The following KCNC2 variants were observed in gnomAD, a reference collection of about 807,000 sequenced individuals.
KCNC2 encodes the protein potassium voltage-gated channel subfamily C member 2, also known as voltage-gated potassium channel KCNC2.
Under a neutral mutation model 44.5 loss-of-function variants are expected in KCNC2, and 21 were observed. That is an observed-to-expected ratio of 0.47 (90% CI 0.33 to 0.68). The LOEUF (loss-of-function observed/expected upper bound fraction) is 0.68. Ranked by LOEUF, KCNC2 falls within the 30% of genes least tolerant of loss-of-function variation. The probability of loss-of-function intolerance (pLI) is 0.01; values close to 1 mark genes in which losing one functional copy is unlikely to be tolerated. For synonymous variants in KCNC2, 391 were observed against 339.1 expected, an observed-to-expected ratio of 1.15 and a Z score of -1.68; for missense variants, 589 against 826.2, an observed-to-expected ratio of 0.71 and a Z score of 3.52.
intron 2 of KCNC2, among the ~76,000 whole-genome samples, chr12:75,103,372 A>T (rs970602713): frequency 1.3e-5 from 2 of 152,198 alleles, no homozygotes; most frequent in Non-Finnish European, 2.9e-5. Context: ...TCAGCCATTC[A>T]TAATAGTTCA....
chr12:75,139,330 C>A (rs1347680819), intron 2 of KCNC2, among the ~76,000 whole-genome samples: 1 of 152,148 alleles, frequency 6.6e-6, no homozygotes, highest in Non-Finnish European at 1.5e-5. Flanking sequence ...AAAACATGAA[C>A]CAAAATTTTA....
chr12:75,043,461 A>T, intron 4 of KCNC2: 1 of 1,320,634 alleles, frequency 7.6e-7, no homozygotes, highest in Non-Finnish European at 9.7e-7. Flanking sequence ...TATTGTTACA[A>T]TACTTCAAAA....
chr12:75,117,701 A>G (rs1311547319), intron 2 of KCNC2, among the ~76,000 whole-genome samples: 1 of 152,090 alleles, frequency 6.6e-6, no homozygotes, highest in Non-Finnish European at 1.5e-5. Context: ...ATAATATATT[A>G]CACATATTTA....
At chr12:75,154,686 A>G (rs936414) in intron 2 of KCNC2, among the ~76,000 whole-genome samples, 60,061 of 151,902 alleles carry the variant, frequency 0.4, 13,993 homozygotes, top group African/African-American at 0.66. Context: ...GTCATGAAAT[A>G]TGTGAGCTGG....
intron 2 of KCNC2, among the ~76,000 whole-genome samples, chr12:75,116,399 G>A (rs1441006270): frequency 2.0e-5 from 3 of 152,088 alleles, no homozygotes; most frequent in Admixed American, 2.0e-4. Context: ...AGGGAAATAC[G>A]ATTAGACTCC....
chr12:75,171,953 T>C (rs562558556), intron 2 of KCNC2, among the ~76,000 whole-genome samples: 437 of 151,800 alleles, frequency 2.9e-3, no homozygotes, highest in African/African-American at 9.0e-3. Context: ...TTTGTTCTCT[T>C]CTATTAAGGA....
chr12:75,188,563 TA>T (rs1396788496), intron 2 of KCNC2, among the ~76,000 whole-genome samples: 1 of 151,884 alleles, frequency 6.6e-6, no homozygotes, highest in African/African-American at 2.4e-5. Context: ...AGTACATCCA[TA>T]AAAAAATAAC....
chr12:75,098,244 C>T (rs979015497), intron 2 of KCNC2, among the ~76,000 whole-genome samples: 2 of 152,096 alleles, frequency 1.3e-5, no homozygotes, highest in Non-Finnish European at 2.9e-5. Context: ...CTTTTCCTAA[C>T]AAGAAGCATG....
In KCNC2 at chr12:75,042,513, C is replaced by T. The variant is rs1592743999; in HGVS notation, c.*592G>A. On this transcript the variant is annotated 3_prime_UTR_variant, in exon 5 of 5. Transcript: ENST00000549446. Reference sequence around the variant, plus strand: ...AAAAAATGTCAAGGAGAAAAGTGCCCTCCCTGCCCCACAATTCAACATGCA... The same window carrying T: ...AAAAAATGTCAAGGAGAAAAGTGCCTTCCCTGCCCCACAATTCAACATGCA... The T allele has an allele frequency of 2.1e-6, 3 of 1,427,512 alleles. No homozygotes were observed. The highest frequency in any genetic ancestry group is 5.1e-5 in the East Asian group (2 of 38,854). The allele number at this position is 1,427,512 out of a possible 1,614,324, so 88.4% of individuals were successfully genotyped here.
At chr12:75,189,748 T>C (rs541778517) in intron 2 of KCNC2, among the ~76,000 whole-genome samples, 23 of 152,304 alleles carry the variant, frequency 1.5e-4, no homozygotes, top group African/African-American at 5.3e-4. Context: ...ATCAGGAATG[T>C]TGTCTATCTT....
rs186853106 is a variant in KCNC2, at chr12:75,200,552, C to G, written c.687+6745G>C. On this transcript the variant is annotated intron_variant, in intron 2 of 4. Transcript: ENST00000549446. ...CACATACAAATTTTACAAACATGTT[C>G]CCTGAGTATGTGTCTGTATTACAAC... Among the ~76,000 whole-genome samples the G allele has an allele frequency of 3.8e-3, 576 of 151,776 alleles. 5 individuals carry two copies. Among genetic ancestry groups the G allele is most frequent in the African/African-American group, 0.014 (564 of 41,468 alleles).
chr12:75,134,006 C>T (rs185873094), intron 2 of KCNC2, among the ~76,000 whole-genome samples: 1 of 152,042 alleles, frequency 6.6e-6, no homozygotes, highest in African/African-American at 2.4e-5. Context: ...GAGGCATTGA[C>T]TGATTAATTC....
At chr12:75,076,439 AT>A (rs1421492046) in intron 2 of KCNC2, among the ~76,000 whole-genome samples, 1 of 151,748 alleles carries the variant, frequency 6.6e-6, no homozygotes, top group African/African-American at 2.4e-5. Context: ...CGCCCGGCTA[AT>A]TTTTTTTATT....
intron 4 of KCNC2, among the ~76,000 whole-genome samples, chr12:75,045,597 G>A (rs1254336833): frequency 6.6e-6 from 1 of 151,794 alleles, no homozygotes; most frequent in Non-Finnish European, 1.5e-5. Context: ...AAACACTGTT[G>A]AACTTATTTT....
intron 2 of KCNC2, among the ~76,000 whole-genome samples, chr12:75,172,356 A>G (rs1891886661): frequency 6.6e-6 from 1 of 151,792 alleles, no homozygotes; most frequent in East Asian, 1.9e-4. Flanking sequence ...GAGCATCAGG[A>G]AGACTAACTA....
At chr12:75,187,248 A>T (rs1893016312) in intron 2 of KCNC2, among the ~76,000 whole-genome samples, 1 of 152,218 alleles carries the variant, frequency 6.6e-6, no homozygotes, top group Non-Finnish European at 1.5e-5. Context: ...CCCAAATGCA[A>T]TTTATTTTTT....
chr12:75,069,248 C>A (rs1883154015), intron 2 of KCNC2, among the ~76,000 whole-genome samples: 1 of 143,788 alleles, frequency 7.0e-6, no homozygotes, highest in Non-Finnish European at 1.5e-5. Context: ...GATTCTCCTG[C>A]CTCAGCTTCC....
intron 2 of KCNC2, among the ~76,000 whole-genome samples, chr12:75,178,944 T>C (rs1388792357): frequency 2.0e-5 from 3 of 151,978 alleles, no homozygotes; most frequent in African/African-American, 7.2e-5. Flanking sequence ...ACCCAGTAGA[T>C]GACTGTTCTA....
rs1879792352 is a variant in KCNC2, at chr12:75,040,518, T to C, written c.*2587A>G. 1 of 152,752 alleles carries C rather than the reference T, an allele frequency of 6.5e-6. No individual in the cohort carries two copies. The highest frequency in any genetic ancestry group is 2.4e-5 in the African/African-American group (1 of 41,444). The allele number at this position is 152,752 out of a possible 1,614,324, so 9.5% of individuals were successfully genotyped here. On this transcript the variant is annotated 3_prime_UTR_variant, in exon 5 of 5. Coordinates refer to ENST00000549446, the MANE Select transcript of KCNC2 (RefSeq NM_139137.4). ...ACTCTCATTGCCAGAATTATGTTTT[T>C]GTAATATTTATAATTGAGGTAATAA...
Sources: gnomAD v4.1 joint callset for allele counts (sites outside exome capture counted in the v4.1 genomes callset) on GRCh38, gnomAD v4.1.1 for gene constraint, MANE v1.5 for transcripts, NCBI Gene and HGNC (gene_info 2026-07-23, HGNC 2026-07-21) for gene names.